Variants in TET2 observed in about 807,000 individuals in gnomAD.
TET2 encodes methylcytosine dioxygenase TET2.
TET2 carries 299 observed loss-of-function variants against 142.9 expected under a neutral mutation model. That is an observed-to-expected ratio of 2.09 (90% CI 1.90 to 2.30). The LOEUF is 2.30. Among genes scored for constraint, TET2 ranks in the 30% most tolerant of loss-of-function variants. TET2 has a pLI of 0.00. For synonymous variants in TET2, 819 were observed against 849.0 expected, an observed-to-expected ratio of 0.96 and a Z score of 0.61; for missense variants, 2,418 against 2,378.0, an observed-to-expected ratio of 1.02 and a Z score of -0.35.
At chr4:105,148,061 C>T (rs929636817) in intron 1 of TET2, among the ~76,000 whole-genome samples, 2 of 147,570 alleles carry the variant, frequency 1.4e-5, no homozygotes, top group African/African-American at 5.0e-5. Flanking sequence ...CATACACATA[C>T]ACACACACAC....
chr4:105,260,274 G>A (rs939896096), intron 7 of TET2, among the ~76,000 whole-genome samples: 2 of 152,064 alleles, frequency 1.3e-5, no homozygotes, highest in African/African-American at 4.8e-5. Flanking sequence ...TCTCACTGAA[G>A]TCATTGGTTT....
intron 6 of TET2, among the ~76,000 whole-genome samples, chr4:105,254,128 G>C (rs1730007039): frequency 1.3e-5 from 2 of 152,104 alleles, no homozygotes; most frequent in South Asian, 4.1e-4. Context: ...AGGTAATGCT[G>C]CCCTCATAGA....
chr4:105,160,782 T>G (rs550454790), intron 1 of TET2, among the ~76,000 whole-genome samples: 5 of 152,114 alleles, frequency 3.3e-5, no homozygotes, highest in African/African-American at 9.7e-5. Flanking sequence ...TTGGTTTGTT[T>G]GTTTGTTTGT....
intron 3 of TET2, chr4:105,237,859 C>T (rs1729051379): frequency 1.9e-6 from 2 of 1,079,742 alleles, no homozygotes; most frequent in Non-Finnish European, 2.3e-6. Context: ...ATAATGCTGA[C>T]ACTCTTAGTG....
At chr4:105,225,185 C>CTGTGTGTGTGT (rs112615379) in intron 2 of TET2, among the ~76,000 whole-genome samples, 1 of 147,104 alleles carries the variant, frequency 6.8e-6, no homozygotes, top group Non-Finnish European at 1.5e-5. Context: ...AGTAAAAAAT[C>CTGTGTGTGTGT]GTGTGTGTGT....
chr4:105,271,740 T>C (rs1269212143), intron 9 of TET2, among the ~76,000 whole-genome samples: 1 of 152,170 alleles, frequency 6.6e-6, no homozygotes, highest in Non-Finnish European at 1.5e-5. Flanking sequence ...TACTAAAAAG[T>C]TAGTATTTAA....
chr4:105,232,084 T>C (rs966430225), intron 2 of TET2, among the ~76,000 whole-genome samples: 2 of 152,208 alleles, frequency 1.3e-5, no homozygotes, highest in African/African-American at 4.8e-5. Context: ...GTCCATGTGT[T>C]CTTGCTGTTT....
At chr4:105,166,430 T>TC (rs2110398173) in intron 1 of TET2, among the ~76,000 whole-genome samples, 1 of 152,230 alleles carries the variant, frequency 6.6e-6, no homozygotes, top group Non-Finnish European at 1.5e-5. Context: ...CAATTTTTTT[T>TC]CAGATTTCTT....
At chr4:105,158,819 AAAAG>A (rs1005927056) in intron 1 of TET2, among the ~76,000 whole-genome samples, 23 of 152,074 alleles carry the variant, frequency 1.5e-4, no homozygotes, top group Non-Finnish European at 2.8e-4. Flanking sequence ...TGGAAAAAAA[AAAAG>A]AAAGAAAAGA....
chr4:105,149,205 G>A (rs950624062), intron 1 of TET2, among the ~76,000 whole-genome samples: 6 of 152,118 alleles, frequency 3.9e-5, no homozygotes, highest in Non-Finnish European at 7.4e-5. Flanking sequence ...TTCAAATGTT[G>A]TGGTATATAC....
At position 105,236,222 on chromosome 4, in the gene TET2, T is replaced by C. The variant is rs1161909991; in HGVS notation, c.2280T>C (p.Phe760=). 2 of 1,614,082 alleles carry C rather than the reference T, an allele frequency of 1.2e-6. No individual in the cohort carries two copies. The highest frequency in any genetic ancestry group is 4.5e-5 in the East Asian group (2 of 44,850). Residue 760 remains phenylalanine (F), a synonymous_variant, in exon 3 of 11, where the codon TTT becomes TTC. Transcript: ENST00000380013. Reference sequence around the variant, plus strand: ...ATAAAGAGGAAATACTCCAGACTTTTCCTCACCCCCAAAGCAACAATGATC... The same window carrying C: ...ATAAAGAGGAAATACTCCAGACTTTCCCTCACCCCCAAAGCAACAATGATC... ...IKNKEEILQT[F]PHPQSNNDQQ... is the part of the protein sequence containing the mutation.
rs1335949699 is a variant in TET2 at position 105,241,576 on chromosome 4, A to T, written c.3500+147A>T. 4.2e-6 allele frequency: 6 copies of T among 1,422,202 alleles called. No individual in the cohort carries two copies. In the African/African-American group the frequency reaches 7.2e-5, roughly 17 times the overall value. 88.1% of individuals were successfully genotyped at this position (1,422,202 alleles called of 1,614,324 possible). On this transcript the variant is annotated intron_variant, in intron 4 of 10. Transcript: ENST00000380013. The stretch of plus-strand genomic sequence containing the variant: ...GCTATTCTAGGGTTGCCAACACTAC[A>T]CACTGTGCTATTCACCAGAGAGTCA...
Position 105,236,660 on chromosome 4 carries a change from G to A in TET2, c.2718G>A (p.Met906Ile), listed in dbSNP as rs1434886136. 1 of 1,614,048 alleles carries A rather than the reference G, an allele frequency of 6.2e-7. No homozygotes were observed. The change falls in exon 3 of 11, where the codon ATG becomes ATA. Residue 906 changes from methionine (M) to isoleucine (I), a missense_variant. Coordinates refer to ENST00000380013, the MANE Select transcript of TET2 (RefSeq NM_001127208.3). ...LQGYKNRNQD[M>I]SGQQAAQLAQ... ...GATATAAAAATAGAAACCAAGATAT[G>A]TCTGGTCAACAAGCTGCGCAACTTG...
intron 1 of TET2, among the ~76,000 whole-genome samples, chr4:105,188,355 G>T (rs749461301): frequency 2.0e-5 from 3 of 152,178 alleles, no homozygotes; most frequent in Non-Finnish European, 4.4e-5. Flanking sequence ...TGATTGCCAG[G>T]GGCTGGGAGG....
At chr4:105,210,383 T>A (rs942734854) in intron 2 of TET2, among the ~76,000 whole-genome samples, 36 of 152,126 alleles carry the variant, frequency 2.4e-4, no homozygotes, top group African/African-American at 8.7e-4. Context: ...AAGGCCCCAA[T>A]CTCAGGCTGG....
chr4:105,259,293 C>CAGACAGTGACTGTTAGGG (rs1288033541), intron 6 of TET2, among the ~76,000 whole-genome samples: 2 of 152,112 alleles, frequency 1.3e-5, no homozygotes, highest in African/African-American at 2.4e-5. Flanking sequence ...GTTAGGGAGA[C>CAGACAGTGACTGTTAGGG]AGACAGTGAG....
At chr4:105,205,128 A>G (rs1298771626) in intron 2 of TET2, among the ~76,000 whole-genome samples, 1 of 152,190 alleles carries the variant, frequency 6.6e-6, no homozygotes, top group Non-Finnish European at 1.5e-5. Context: ...AATTATTTTC[A>G]GAAATTCCTT....
At chr4:105,206,138 G>A (rs1726809796) in intron 2 of TET2, among the ~76,000 whole-genome samples, 1 of 152,146 alleles carries the variant, frequency 6.6e-6, no homozygotes, top group Non-Finnish European at 1.5e-5. Flanking sequence ...ATCTGGTTGG[G>A]GAACAGCTCT....
chr4:105,216,232 A>G (rs1727483944), intron 2 of TET2, among the ~76,000 whole-genome samples: 1 of 152,140 alleles, frequency 6.6e-6, no homozygotes, highest in Non-Finnish European at 1.5e-5. Flanking sequence ...GCTGACTAAA[A>G]CAAAAGGAAT....
Sources: allele counts gnomAD v4.1 joint callset (sites outside exome capture counted in the v4.1 genomes callset), GRCh38; gene constraint gnomAD v4.1.1; transcripts MANE v1.5; gene names NCBI Gene and HGNC (gene_info 2026-07-23, HGNC 2026-07-21).